Variants in SAMMSON observed in about 807,000 individuals in gnomAD.
SAMMSON encodes long intergenic non-protein coding RNA 1212.
At chr3:70,408,073 G>A (rs1264348427) in intron 2 of SAMMSON, among the ~76,000 whole-genome samples, 6 of 152,224 alleles carry the variant, frequency 3.9e-5, no homozygotes, top group African/African-American at 1.4e-4. Flanking sequence ...CAAGCTCTAG[G>A]TTGGTCTCTT....
At chr3:70,007,452 A>G (rs1310266937) in intron 1 of SAMMSON, among the ~76,000 whole-genome samples, 2 of 151,978 alleles carry the variant, frequency 1.3e-5, no homozygotes. Flanking sequence ...TCTTCTTTTG[A>G]GAAGTGTCTG....
chr3:70,094,570 G>T (rs953033957), intron 4 of SAMMSON: 7 of 152,164 alleles, frequency 4.6e-5, no homozygotes, highest in Non-Finnish European at 8.8e-5. Context: ...GATTTAAATT[G>T]TCCCTTCCTG....
chr3:70,174,776 T>G (rs1700997000), intron 4 of SAMMSON, among the ~76,000 whole-genome samples: 2 of 151,786 alleles, frequency 1.3e-5, no homozygotes, highest in Admixed American at 1.3e-4. Context: ...TTTTTTAGGC[T>G]GCCATCTATG....
At position 70,060,312 on chromosome 3, in the gene SAMMSON, T is replaced by C. The variant is rs560580459; in HGVS notation, n.418-11164T>C. On this transcript the variant is annotated intron_variant and non_coding_transcript_variant, in intron 3 of 9. Coordinates refer to ENST00000642114, the Ensembl canonical transcript of SAMMSON. Reference sequence around the variant, plus strand: ...TTAAACAAGGAATTATTATAAAGTCTGTGCTGTGAGAGCTTGGAGAAGGGG... The same window carrying C: ...TTAAACAAGGAATTATTATAAAGTCCGTGCTGTGAGAGCTTGGAGAAGGGG... 3.9e-5 allele frequency among the ~76,000 whole-genome samples: 6 copies of C among 152,200 alleles called. No homozygotes were observed. The East Asian group carries it at 1.2e-3, about 30-fold the overall frequency.
intron 4 of SAMMSON, among the ~76,000 whole-genome samples, chr3:70,079,611 T>G (rs952312829): frequency 1.3e-5 from 2 of 152,180 alleles, no homozygotes; most frequent in African/African-American, 4.8e-5. Context: ...GTTAGATAAT[T>G]TTGCCCAAAT....
At chr3:70,224,030 C>T (rs1211617210) in intron 4 of SAMMSON, among the ~76,000 whole-genome samples, 1 of 151,972 alleles carries the variant, frequency 6.6e-6, no homozygotes, top group Non-Finnish European at 1.5e-5. Flanking sequence ...TATATTTCCC[C>T]ATATATCTTG....
chr3:70,275,317 C>T (rs1001374445), intron 6 of SAMMSON, among the ~76,000 whole-genome samples: 1 of 151,960 alleles, frequency 6.6e-6, no homozygotes, highest in African/African-American at 2.4e-5. Context: ...GAGCCCAGCC[C>T]AGGCAACATA....
intron 9 of SAMMSON, among the ~76,000 whole-genome samples, chr3:70,381,256 A>T (rs1304550099): frequency 6.6e-6 from 1 of 152,198 alleles, no homozygotes; most frequent in Non-Finnish European, 1.5e-5. Flanking sequence ...ATTTCAGGGT[A>T]ACCAAATAAA....
At chr3:70,397,873 T>C (rs1575641064) in intron 2 of SAMMSON, among the ~76,000 whole-genome samples, 1 of 152,350 alleles carries the variant, frequency 6.6e-6, no homozygotes, top group East Asian at 1.9e-4. Context: ...ATCCTTTATT[T>C]GTACATTTTA....
intron 7 of SAMMSON, among the ~76,000 whole-genome samples, chr3:70,343,119 A>C (rs1702724298): frequency 6.6e-6 from 1 of 152,136 alleles, no homozygotes; most frequent in Non-Finnish European, 1.5e-5. Context: ...TTTACAGAAA[A>C]ATTGGGAAGA....
At position 70,069,083 on chromosome 3, in the gene SAMMSON, G is replaced by C. The variant is rs555344891; in HGVS notation, n.418-2393G>C. 3 of 152,126 alleles carry C rather than the reference G, an allele frequency of 2.0e-5. No individual in the cohort carries two copies. The South Asian group carries it at 6.2e-4, about 32-fold the overall frequency. The allele number at this position is 152,126 out of a possible 1,614,324, so 9.4% of individuals were successfully genotyped here. A position where few individuals can be genotyped will look rare whatever the true frequency, so the allele number is the denominator to read the frequency against. On this transcript the variant is annotated intron_variant and non_coding_transcript_variant, in intron 3 of 9. Coordinates refer to ENST00000642114, the Ensembl canonical transcript of SAMMSON. ...GTCCTTAGGTTTTCAAGATTTTGCG[G>C]GGATGCCTACTGTGGTTAGGAACCC... is the stretch of plus-strand genomic sequence containing the variant.
intron 4 of SAMMSON, among the ~76,000 whole-genome samples, chr3:70,229,890 A>G (rs1361217399): frequency 2.6e-5 from 4 of 152,234 alleles, no homozygotes; most frequent in African/African-American, 9.6e-5. Context: ...AATTTGGGAT[A>G]CAACTTATAT....
intron 4 of SAMMSON, among the ~76,000 whole-genome samples, chr3:70,176,115 G>A (rs1701006956): frequency 6.6e-6 from 1 of 152,030 alleles, no homozygotes; most frequent in Non-Finnish European, 1.5e-5. Context: ...TCACAAGTGG[G>A]ATGTAAAAAT....
At chr3:70,146,532 C>T (rs2067549817) in intron 4 of SAMMSON, among the ~76,000 whole-genome samples, 1 of 151,890 alleles carries the variant, frequency 6.6e-6, no homozygotes, top group Admixed American at 6.6e-5. Context: ...CAATGTAATC[C>T]ACTAGATTAA....
chr3:70,377,435 C>G (rs1327864595), intron 9 of SAMMSON, among the ~76,000 whole-genome samples: 3 of 151,956 alleles, frequency 2.0e-5, no homozygotes, highest in Admixed American at 1.3e-4. Flanking sequence ...AACTGGCTGT[C>G]CATCTGGATA....
intron 9 of SAMMSON, among the ~76,000 whole-genome samples, chr3:70,377,450 G>A (rs1337357655): frequency 3.3e-5 from 5 of 152,006 alleles, no homozygotes; most frequent in African/African-American, 4.8e-5. Flanking sequence ...TGGATAAACA[G>A]CAATTTTGGA....
At chr3:70,380,846 A>G (rs2106751702) in intron 9 of SAMMSON, among the ~76,000 whole-genome samples, 1 of 152,236 alleles carries the variant, frequency 6.6e-6, no homozygotes, top group East Asian at 1.9e-4. Flanking sequence ...TTCCAGCTTC[A>G]TCCATGCCCA....
chr3:70,126,181 G>A (rs1165241040), intron 4 of SAMMSON: 4 of 1,153,318 alleles, frequency 3.5e-6, no homozygotes, highest in Non-Finnish European at 5.0e-6. Flanking sequence ...CCCATGGTTT[G>A]GTGTAATTAC....
At chr3:70,069,361 A>G (rs1391301943) in intron 3 of SAMMSON, 1 of 152,130 alleles carries the variant, frequency 6.6e-6, no homozygotes, top group African/African-American at 2.4e-5. Flanking sequence ...GCCAAGAGAC[A>G]GAAAGATGGA....
Sources: allele counts gnomAD v4.1 joint callset (sites outside exome capture counted in the v4.1 genomes callset), GRCh38; gene constraint gnomAD v4.1.1; transcripts MANE v1.5; gene names NCBI Gene and HGNC (gene_info 2026-07-23, HGNC 2026-07-21).